NALF1: variants seen among roughly 807,000 people sequenced by gnomAD.
The protein encoded by NALF1 is NALCN channel auxiliary factor 1, also known as family with sequence similarity 155 member A.
A neutral mutation model predicts 48.4 loss-of-function variants in NALF1; 3 were observed. The observed-to-expected ratio is 0.06, with a 90% confidence interval of 0.03 to 0.16. NALF1 has a LOEUF of 0.16. NALF1 is among the 10% of genes least tolerant of loss of function. The pLI is 1.00. For synonymous variants in NALF1, 262 were observed against 245.7 expected (o/e 1.07, Z -0.62); for missense variants, 526 against 571.5 (o/e 0.92, Z 0.81).
chr13:107,764,533 T>C (rs1256585732), intron 1 of NALF1, among the ~76,000 whole-genome samples: 1 of 152,152 alleles, frequency 6.6e-6, no homozygotes, highest in African/African-American at 2.4e-5. Context: ...ATGAAGGGAC[T>C]TTGTCTTATC....
At chr13:107,426,637 A>G (rs1465877611) in intron 1 of NALF1, among the ~76,000 whole-genome samples, 1 of 152,226 alleles carries the variant, frequency 6.6e-6, no homozygotes, top group Non-Finnish European at 1.5e-5. Flanking sequence ...GATGAACTAA[A>G]GAATGTGGCC....
At chr13:107,409,712 A>T (rs565162510) in intron 1 of NALF1, among the ~76,000 whole-genome samples, 1 of 152,322 alleles carries the variant, frequency 6.6e-6, no homozygotes, top group Admixed American at 6.5e-5. Flanking sequence ...TTCATTATGC[A>T]TATGTAGGAA....
intron 1 of NALF1, among the ~76,000 whole-genome samples, chr13:107,271,828 A>G (rs1322484213): frequency 7.0e-6 from 1 of 143,166 alleles, no homozygotes; most frequent in Non-Finnish European, 1.5e-5. Flanking sequence ...TTATATATTT[A>G]TATATACAAA....
chr13:107,686,435 G>A lies in NALF1; in HGVS notation c.915+179247C>T, dbSNP rs970161100. Among the ~76,000 whole-genome samples the A allele has an allele frequency of 3.3e-5, 5 of 151,336 alleles. No individual in the cohort carries two copies. The East Asian group carries it at 7.8e-4, about 23-fold the overall frequency. On this transcript the variant is annotated intron_variant, in intron 1 of 2. Coordinates refer to ENST00000375915, the MANE Select transcript of NALF1 (RefSeq NM_001080396.3). ...TTTTGAGACGGAGGCTCACTCTGTC[G>A]CCAGGCTAGAGTGCAGTGGTGGAAT... is the stretch of plus-strand genomic sequence containing the variant.
chr13:107,303,945 C>T (rs563645919), intron 1 of NALF1, among the ~76,000 whole-genome samples: 21 of 151,968 alleles, frequency 1.4e-4, no homozygotes, highest in Non-Finnish European at 2.4e-4. Context: ...AAAATCAATC[C>T]AAATATAATC....
At chr13:107,580,982 A>C (rs1227111018) in intron 1 of NALF1, among the ~76,000 whole-genome samples, 1 of 152,210 alleles carries the variant, frequency 6.6e-6, no homozygotes, top group Non-Finnish European at 1.5e-5. Flanking sequence ...GCTTTAAATG[A>C]GTTGGAGACC....
chr13:107,457,593 A>G (rs1884844740), intron 1 of NALF1, among the ~76,000 whole-genome samples: 1 of 152,226 alleles, frequency 6.6e-6, no homozygotes, highest in Non-Finnish European at 1.5e-5. Context: ...ACTAGTAGCT[A>G]TATCTTCACA....
chr13:107,267,365 G>A (rs1329624704), intron 1 of NALF1, among the ~76,000 whole-genome samples: 1 of 152,128 alleles, frequency 6.6e-6, no homozygotes, highest in African/African-American at 2.4e-5. Flanking sequence ...AAAGGGGATT[G>A]GAAACATGAA....
intron 1 of NALF1, among the ~76,000 whole-genome samples, chr13:107,314,121 G>A (rs1382960067): frequency 6.6e-6 from 1 of 152,152 alleles, no homozygotes; most frequent in African/African-American, 2.4e-5. Flanking sequence ...GTCACTGACT[G>A]TGATTTACCA....
intron 1 of NALF1, among the ~76,000 whole-genome samples, chr13:107,330,424 G>C (rs148744270): frequency 6.6e-6 from 1 of 152,062 alleles, no homozygotes; most frequent in East Asian, 1.9e-4. Flanking sequence ...TGAAATTGTG[G>C]GGAATCACAC....
intron 1 of NALF1, among the ~76,000 whole-genome samples, chr13:107,652,262 A>G (rs1880467662): frequency 6.6e-6 from 1 of 152,122 alleles, no homozygotes. Context: ...GTTGTGTGCA[A>G]TTACACTGCT....
chr13:107,449,315 G>A (rs1433341475), intron 1 of NALF1, among the ~76,000 whole-genome samples: 1 of 152,074 alleles, frequency 6.6e-6, no homozygotes, highest in Non-Finnish European at 1.5e-5. Flanking sequence ...CTTGGGTGGA[G>A]TGTGAAACTG....
At chr13:107,508,343 A>T (rs1216516206) in intron 1 of NALF1, among the ~76,000 whole-genome samples, 1 of 151,322 alleles carries the variant, frequency 6.6e-6, no homozygotes, top group Non-Finnish European at 1.5e-5. Flanking sequence ...TGTACATATT[A>T]CATATCATAT....
chr13:107,612,056 G>GGGAGTGGGGGGGAGAGAGA (rs1879237870), intron 1 of NALF1, among the ~76,000 whole-genome samples: 1 of 102,156 alleles, frequency 9.8e-6, no homozygotes. Flanking sequence ...AGGGAGAGAG[G>GGGAGTGGGGGGGAGAGAGA]GGAGTGGGGG....
chr13:107,705,678 T>C (rs1279177788), intron 1 of NALF1, among the ~76,000 whole-genome samples: 1 of 152,114 alleles, frequency 6.6e-6, no homozygotes, highest in Non-Finnish European at 1.5e-5. Context: ...AAATTATCCC[T>C]ATGATTTGTT....
chr13:107,543,283 T>C (rs1877041580), intron 1 of NALF1, among the ~76,000 whole-genome samples: 1 of 152,096 alleles, frequency 6.6e-6, no homozygotes, highest in Non-Finnish European at 1.5e-5. Flanking sequence ...ACATAATATG[T>C]TATGATTTCA....
In NALF1 at chr13:107,612,661, C is replaced by T. The variant is rs148144222; in HGVS notation, c.915+253021G>A. On this transcript the variant is annotated intron_variant, in intron 1 of 2. Transcript: ENST00000375915. ...GAGGTAGGACATTGCTCCTTCCTGA[C>T]TTTTAAACACAGGCGGGTATACTGG... Among the ~76,000 whole-genome samples the T allele has an allele frequency of 6.0e-3, 911 of 152,218 alleles. 5 individuals carry two copies. The highest frequency in any genetic ancestry group is 8.6e-3 in the Non-Finnish European group (587 of 68,006).
chr13:107,180,649 T>C (rs1387660436), intron 2 of NALF1, among the ~76,000 whole-genome samples: 1 of 151,864 alleles, frequency 6.6e-6, no homozygotes, highest in Non-Finnish European at 1.5e-5. Context: ...ACACACTACA[T>C]GCATATAATT....
chr13:107,527,035 T>C (rs531607740), intron 1 of NALF1, among the ~76,000 whole-genome samples: 4 of 152,170 alleles, frequency 2.6e-5, no homozygotes, highest in African/African-American at 9.6e-5. Flanking sequence ...GCATGATTCA[T>C]ATAAGCCCCA....
Sources: allele counts gnomAD v4.1 joint callset (sites outside exome capture counted in the v4.1 genomes callset), GRCh38; gene constraint gnomAD v4.1.1; transcripts MANE v1.5; gene names NCBI Gene and HGNC (gene_info 2026-07-23, HGNC 2026-07-21).